Variants in ARHGAP6 observed in about 807,000 individuals in gnomAD.
ARHGAP6 encodes the protein Rho GTPase activating protein 6.
A neutral mutation model predicts 55.7 loss-of-function variants in ARHGAP6; 16 were observed. That is an observed-to-expected ratio of 0.29 (90% CI 0.19 to 0.44). The LOEUF (loss-of-function observed/expected upper bound fraction) is 0.44, where lower values mean the gene tolerates loss of function less well. ARHGAP6 is among the 20% of genes least tolerant of loss of function. The probability of loss-of-function intolerance (pLI) is 1.00; values close to 1 mark genes in which losing one functional copy is unlikely to be tolerated. For missense variants in ARHGAP6, 698 were observed against 808.9 expected, an observed-to-expected ratio of 0.86 and a Z score of 1.66; for synonymous variants, 382 against 360.9, an observed-to-expected ratio of 1.06 and a Z score of -0.66.
intron 1 of ARHGAP6, chrX:11,335,865 C>T (rs898535005): frequency 2.9e-5 from 6 of 209,391 alleles, no homozygotes; most frequent in African/African-American, 9.1e-5. Context: ...AAGGTGGCAG[C>T]GATCCCCTAG....
At chrX:11,477,069 A>G (rs1249045691) in intron 1 of ARHGAP6, among the ~76,000 whole-genome samples, 3 of 110,453 alleles carry the variant, frequency 2.7e-5, no homozygotes, top group Admixed American at 9.7e-5. Context: ...CACAATACTT[A>G]TATCAGACAA....
At chrX:11,295,012 TC>T (rs1235226703) in intron 1 of ARHGAP6, among the ~76,000 whole-genome samples, 1 of 111,917 alleles carries the variant, frequency 8.9e-6, no homozygotes, top group Non-Finnish European at 1.9e-5. Flanking sequence ...AGGTATATTC[TC>T]AAATGCCGCT....
intron 1 of ARHGAP6, among the ~76,000 whole-genome samples, chrX:11,384,195 G>C (rs779698280): frequency 5.4e-5 from 6 of 111,596 alleles, no homozygotes; most frequent in Non-Finnish European, 7.5e-5. Context: ...TGTGCCCCCG[G>C]GTAGCCAAGA....
chrX:11,628,070 G>A (rs142558802), intron 1 of ARHGAP6, among the ~76,000 whole-genome samples: 2 of 112,217 alleles, frequency 1.8e-5, no homozygotes, highest in Admixed American at 9.4e-5. Context: ...TTGAGAATAA[G>A]TTGAAACAAA....
chrX:11,365,458 C>A (rs146169852), intron 1 of ARHGAP6, among the ~76,000 whole-genome samples: 13 of 112,195 alleles, frequency 1.2e-4, no homozygotes, highest in Non-Finnish European at 2.1e-4. Flanking sequence ...TTTTCACAAG[C>A]TAAAAATTCT....
chrX:11,649,358 C>T (rs986208380), intron 1 of ARHGAP6, among the ~76,000 whole-genome samples: 1 of 112,089 alleles, frequency 8.9e-6, no homozygotes, highest in Non-Finnish European at 1.9e-5. Flanking sequence ...TGATCTAATT[C>T]CTGACCCACA....
At chrX:11,202,039 GT>G (rs1164845646) in intron 2 of ARHGAP6, among the ~76,000 whole-genome samples, 1 of 99,114 alleles carries the variant, frequency 1.0e-5, no homozygotes, top group African/African-American at 3.7e-5. Flanking sequence ...GTGTGTGTGT[GT>G]GTGTGTAGCC....
At chrX:11,540,794 A>T (rs1227430317) in intron 1 of ARHGAP6, among the ~76,000 whole-genome samples, 3 of 112,819 alleles carry the variant, frequency 2.7e-5, no homozygotes, top group Non-Finnish European at 5.6e-5. Flanking sequence ...GAAGTAGTCC[A>T]TAAGTGAGAC....
chrX:11,328,781 T>C (rs1569302212), intron 1 of ARHGAP6, among the ~76,000 whole-genome samples: 1 of 112,265 alleles, frequency 8.9e-6, no homozygotes, highest in East Asian at 2.8e-4. Context: ...AAAACCTATT[T>C]CTGAGTGTGG....
intron 3 of ARHGAP6, among the ~76,000 whole-genome samples, chrX:11,189,621 C>T (rs1436716164): frequency 9.2e-6 from 1 of 108,339 alleles, no homozygotes; most frequent in East Asian, 2.9e-4. Context: ...CTGTCACTCT[C>T]GTGATCTACA....
At chrX:11,459,712 A>G (rs1603217737) in intron 1 of ARHGAP6, among the ~76,000 whole-genome samples, 1 of 111,896 alleles carries the variant, frequency 8.9e-6, no homozygotes, top group African/African-American at 3.2e-5. Context: ...TGAAATCACC[A>G]GTTTCATTCA....
At chrX:11,419,194 T>C (rs987745704) in intron 1 of ARHGAP6, among the ~76,000 whole-genome samples, 3 of 112,487 alleles carry the variant, frequency 2.7e-5, no homozygotes, top group African/African-American at 9.7e-5. Context: ...GGTCCCTCCC[T>C]GGTAACAGCT....
At chrX:11,415,923 G>T (rs2049741450) in intron 1 of ARHGAP6, among the ~76,000 whole-genome samples, 1 of 111,680 alleles carries the variant, frequency 9.0e-6, no homozygotes, top group South Asian at 3.8e-4. Context: ...ATCCGTGATG[G>T]TTTTTTTATG....
intron 1 of ARHGAP6, among the ~76,000 whole-genome samples, chrX:11,660,530 C>CAAAAAAAAAAAAAAAAAAA (rs56274949): frequency 7.3e-5 from 2 of 27,303 alleles, no homozygotes; most frequent in African/African-American, 1.0e-4. Context: ...CTCTCTCTCT[C>CAAAAAAAAAAAAAAAAAAA]AAAAAAAAAA....
chrX:11,576,120 T>C (rs2051594937), intron 1 of ARHGAP6, among the ~76,000 whole-genome samples: 1 of 111,953 alleles, frequency 8.9e-6, no homozygotes, highest in Admixed American at 9.5e-5. Context: ...GAAGGTGAAA[T>C]CAGTGTTTCA....
intron 1 of ARHGAP6, among the ~76,000 whole-genome samples, chrX:11,472,353 A>G (rs756631429): frequency 8.9e-6 from 1 of 112,205 alleles, no homozygotes; most frequent in Non-Finnish European, 1.9e-5. Flanking sequence ...GTGGTAAGCA[A>G]TATGAAGAAA....
intron 2 of ARHGAP6, among the ~76,000 whole-genome samples, chrX:11,199,398 A>G (rs982237795): frequency 2.7e-5 from 3 of 111,733 alleles, no homozygotes; most frequent in Non-Finnish European, 5.6e-5. Flanking sequence ...CAGATATGCT[A>G]AATCTGGAAC....
chrX:11,481,919 C>T (rs1012904822), intron 1 of ARHGAP6, among the ~76,000 whole-genome samples: 2 of 112,209 alleles, frequency 1.8e-5, no homozygotes, highest in Non-Finnish European at 3.8e-5. Flanking sequence ...CAAATTAACT[C>T]ACTAAGAATA....
intron 1 of ARHGAP6, among the ~76,000 whole-genome samples, chrX:11,521,288 T>G (rs940662388): frequency 1.5e-4 from 17 of 112,109 alleles, no homozygotes; most frequent in African/African-American, 5.2e-4. Flanking sequence ...TTTTATGGTT[T>G]TAGGTCTAAC....
Sources: allele counts gnomAD v4.1 joint callset (sites outside exome capture counted in the v4.1 genomes callset), GRCh38; gene constraint gnomAD v4.1.1; transcripts MANE v1.5; gene names NCBI Gene and HGNC (gene_info 2026-07-23, HGNC 2026-07-21).